The following DENND1B variants were observed in gnomAD, a reference collection of about 807,000 sequenced individuals.
DENND1B encodes DENN domain-containing protein 1B.
In DENND1B, 59 loss-of-function variants were observed where a neutral mutation model predicts 90.1. That is an observed-to-expected ratio of 0.65 (90% CI 0.53 to 0.81). DENND1B has a LOEUF of 0.81. Among genes scored for constraint, DENND1B ranks in the 40% least tolerant of loss-of-function variants. DENND1B has a pLI of 0.00. For synonymous variants in DENND1B, 337 were observed against 324.6 expected (o/e 1.04, Z -0.41); for missense variants, 862 against 912.6 (o/e 0.94, Z 0.71).
intron 20 of DENND1B, among the ~76,000 whole-genome samples, chr1:197,527,039 ATAT>A (rs952976963): frequency 2.2e-4 from 33 of 152,324 alleles, no homozygotes; most frequent in Non-Finnish European, 2.4e-4. Flanking sequence ...TTGGAAATTA[ATAT>A]TATTTCAACA....
chr1:197,753,287 G>A (rs1220294457), intron 2 of DENND1B, among the ~76,000 whole-genome samples: 1 of 151,750 alleles, frequency 6.6e-6, no homozygotes, highest in Admixed American at 6.6e-5. Flanking sequence ...CTAATTAATC[G>A]AAATATAAAG....
chr1:197,634,039 T>A (rs748648638), intron 10 of DENND1B, among the ~76,000 whole-genome samples: 2 of 152,222 alleles, frequency 1.3e-5, no homozygotes, highest in Non-Finnish European at 2.9e-5. Context: ...CAGAAAATTC[T>A]GCCAGTGTGG....
chr1:197,694,855 C>A (rs1658269556), intron 3 of DENND1B, among the ~76,000 whole-genome samples: 1 of 151,214 alleles, frequency 6.6e-6, no homozygotes, highest in Admixed American at 6.6e-5. Flanking sequence ...AAGTAAAAAT[C>A]TGTTCACCCT....
Position 197,645,680 on chromosome 1 carries a change from G to A in DENND1B, c.561+10C>T. The A allele has an allele frequency of 6.7e-7, 1 of 1,502,458 alleles. No individual in the cohort carries two copies. Among genetic ancestry groups the A allele is most frequent in the South Asian group, 1.5e-5 (1 of 67,884 alleles). 93.1% of individuals were successfully genotyped at this position (1,502,458 alleles called of 1,614,324 possible). On this transcript the variant is annotated intron_variant, in intron 9 of 22. Coordinates refer to ENST00000620048, the MANE Select transcript of DENND1B (RefSeq NM_001195215.2). The stretch of plus-strand genomic sequence containing the variant: ...ATAAGAATAATTAAAGTAGAAAATA[G>A]GAAACTTACACTCTCGGGTATTGTT...
intron 20 of DENND1B, among the ~76,000 whole-genome samples, chr1:197,529,332 ATGTGTG>A (rs145161367): frequency 7.0e-6 from 1 of 143,460 alleles, no homozygotes; most frequent in Non-Finnish European, 1.5e-5. Flanking sequence ...GTGTATATAT[ATGTGTG>A]TGTGTGTGTG....
At chr1:197,629,140 C>G (rs1242850449) in intron 10 of DENND1B, among the ~76,000 whole-genome samples, 1 of 152,032 alleles carries the variant, frequency 6.6e-6, no homozygotes, top group African/African-American at 2.4e-5. Context: ...GGATCTAGAA[C>G]CAGAAATACC....
At chr1:197,735,914 G>A (rs1486108940) in intron 2 of DENND1B, 14 of 1,519,306 alleles carry the variant, frequency 9.2e-6, no homozygotes, top group Admixed American at 1.7e-5. Context: ...TAATGGCCAA[G>A]AGGAATCAGA....
Position 197,732,330 on chromosome 1 carries a change from T to C in DENND1B, c.83-17256A>G, listed in dbSNP as rs374429139. ...TGTGTTTCACGTGTTCTTCTTTCCT[T>C]CAACTCACTCTCAACTTCTATTTTC... On this transcript the variant is annotated intron_variant, in intron 2 of 22. Transcript: ENST00000620048. 4.6e-5 allele frequency among the ~76,000 whole-genome samples: 7 copies of C among 152,150 alleles called. No homozygotes were observed. In the East Asian group the frequency reaches 1.3e-3, roughly 29 times the overall value.
chr1:197,707,299 T>C (rs1246111137), intron 3 of DENND1B, among the ~76,000 whole-genome samples: 1 of 152,092 alleles, frequency 6.6e-6, no homozygotes, highest in Non-Finnish European at 1.5e-5. Flanking sequence ...GGTTAGTTAA[T>C]GGATCCAAAA....
chr1:197,641,070 A>G (rs1328445951), intron 10 of DENND1B, among the ~76,000 whole-genome samples: 1 of 152,212 alleles, frequency 6.6e-6, no homozygotes, highest in African/African-American at 2.4e-5. Context: ...CTAATAAATA[A>G]TTGCTATTTG....
intron 5 of DENND1B, among the ~76,000 whole-genome samples, chr1:197,669,376 T>C (rs1191027697): frequency 6.6e-6 from 1 of 152,094 alleles, no homozygotes; most frequent in East Asian, 1.9e-4. Context: ...GCACCATAAC[T>C]CCTCTTATTG....
In DENND1B at chr1:197,652,117, T is replaced by C. The variant is rs990405672; in HGVS notation, c.447+118A>G. The C allele has an allele frequency of 2.3e-5, 17 of 747,854 alleles. No homozygotes were observed. In the African/African-American group the frequency reaches 2.7e-4, roughly 12 times the overall value. 46.3% of individuals were successfully genotyped at this position (747,854 alleles called of 1,614,324 possible). A position where few individuals can be genotyped will look rare whatever the true frequency, so the allele number is the denominator to read the frequency against. On this transcript the variant is annotated intron_variant, in intron 7 of 22. Transcript: ENST00000620048. The stretch of plus-strand genomic sequence containing the variant: ...CACCTTGTTATGTTAGTACTAGCAA[T>C]GAAGTCTTCCTGGAAGCAGAGATGA...
chr1:197,701,649 TCTC>T (rs1659043855), intron 3 of DENND1B, among the ~76,000 whole-genome samples: 1 of 151,942 alleles, frequency 6.6e-6, no homozygotes, highest in Admixed American at 6.6e-5. Context: ...CAATCTTCCT[TCTC>T]CTAACAGACT....
chr1:197,781,449 A>T, the DENND1B span, among the ~76,000 whole-genome samples: 14 of 152,308 alleles, frequency 9.2e-5, no homozygotes, highest in African/African-American at 3.1e-4. Flanking sequence ...CTCTTAGGAA[A>T]CTATCTTTAA....
chr1:197,670,822 C>G (rs1010795253), intron 5 of DENND1B, among the ~76,000 whole-genome samples: 36 of 152,152 alleles, frequency 2.4e-4, no homozygotes, highest in African/African-American at 7.9e-4. Context: ...CCCCACTGCC[C>G]AGCCAACCTG....
intron 2 of DENND1B, among the ~76,000 whole-genome samples, chr1:197,724,935 T>C (rs917655794): frequency 3.3e-5 from 5 of 151,408 alleles, no homozygotes; most frequent in African/African-American, 1.2e-4. Context: ...AGAGGCAAAA[T>C]AAATGAGAAA....
chr1:197,717,073 C>T lies in DENND1B; in HGVS notation c.83-1999G>A, dbSNP rs190164430. Among the ~76,000 whole-genome samples, 35 of 151,838 alleles carry T rather than the reference C, an allele frequency of 2.3e-4. No individual in the cohort carries two copies. The East Asian group carries it at 4.8e-3, about 21-fold the overall frequency. ...ATTAAATGAATTTTACCCTTCAGCA[C>T]GCAAAAAATTATTATAATCATGTGC... On this transcript the variant is annotated intron_variant, in intron 2 of 22. Coordinates refer to ENST00000620048, the MANE Select transcript of DENND1B (RefSeq NM_001195215.2).
At chr1:197,645,605 C>T in intron 9 of DENND1B, 85 bp downstream of exon 9, 1 of 653,746 alleles carries the variant, frequency 1.5e-6, no homozygotes, top group Non-Finnish European at 2.4e-6. Flanking sequence ...TCCTATTTCT[C>T]TATATAAAAA....
In DENND1B at chr1:197,595,764, A is replaced by G. The variant is rs548204328; in HGVS notation, c.922-431T>C. ...ACTTACCATTTAATTTTATTTTTGG[A>G]AGTCTCATTTGCATATATAATTTTC... On this transcript the variant is annotated intron_variant, in intron 13 of 22. Transcript: ENST00000620048. 7.9e-4 allele frequency among the ~76,000 whole-genome samples: 120 copies of G among 152,140 alleles called. 1 individual carries two copies. In the Middle Eastern group the frequency reaches 0.014, roughly 17 times the overall value.
Sources: allele counts gnomAD v4.1 joint callset (sites outside exome capture counted in the v4.1 genomes callset), GRCh38; gene constraint gnomAD v4.1.1; transcripts MANE v1.5; gene names NCBI Gene and HGNC (gene_info 2026-07-23, HGNC 2026-07-21).